Variants in AUTS2 observed in about 807,000 individuals in gnomAD.
The protein encoded by AUTS2 is autism susceptibility gene 2 protein.
In AUTS2, 17 loss-of-function variants were observed where a neutral mutation model predicts 112.4. The ratio of observed to expected loss-of-function variants is 0.15; its 90% CI spans 0.10 to 0.23. AUTS2 has a LOEUF of 0.23. Ranked by LOEUF, AUTS2 falls within the 10% of genes least tolerant of loss-of-function variation. The pLI is 1.00. For missense variants in AUTS2, 1,510 were observed against 1,701.6 expected, an observed-to-expected ratio of 0.89 and a Z score of 1.98; for synonymous variants, 751 against 702.7, an observed-to-expected ratio of 1.07 and a Z score of -1.09.
chr7:70,309,639 C>G (rs185571497), intron 4 of AUTS2, among the ~76,000 whole-genome samples: 2 of 152,134 alleles, frequency 1.3e-5, no homozygotes, highest in African/African-American at 4.8e-5. Flanking sequence ...AATCATTATT[C>G]TATTGTATAG....
At chr7:69,984,406 CA>C (rs34689325) in intron 2 of AUTS2, among the ~76,000 whole-genome samples, 248 of 80,594 alleles carry the variant, frequency 3.1e-3, no homozygotes, top group East Asian at 0.014. Context: ...GACTCTGTCT[CA>C]AAAAAAAAAA....
At chr7:69,935,180 A>AAG (rs10629473) in intron 2 of AUTS2, among the ~76,000 whole-genome samples, 56,470 of 151,832 alleles carry the variant, frequency 0.37, 10,949 homozygotes, top group African/African-American at 0.48. Context: ...TCTGGGAAAA[A>AAG]AGGACGGAGG....
intron 1 of AUTS2, among the ~76,000 whole-genome samples, chr7:69,775,185 C>T (rs1788838516): frequency 2.0e-5 from 3 of 151,980 alleles, no homozygotes; most frequent in South Asian, 4.2e-4. Context: ...TCACTTAACC[C>T]CACCCTTCAC....
chr7:70,534,706 G>A (rs570890719), intron 5 of AUTS2, among the ~76,000 whole-genome samples: 7 of 152,262 alleles, frequency 4.6e-5, no homozygotes, highest in Non-Finnish European at 7.4e-5. Flanking sequence ...GATTACAGGC[G>A]TGAGCCACTG....
chr7:69,794,954 A>G (rs1789775714), intron 1 of AUTS2, among the ~76,000 whole-genome samples: 1 of 152,198 alleles, frequency 6.6e-6, no homozygotes, highest in African/African-American at 2.4e-5. Flanking sequence ...GGAATGTAGT[A>G]CCATATAGTA....
chr7:70,440,117 A>T (rs898558637), intron 5 of AUTS2, among the ~76,000 whole-genome samples: 29 of 150,210 alleles, frequency 1.9e-4, no homozygotes, highest in African/African-American at 6.8e-4. Context: ...ATGGTGGCTT[A>T]TGGCGGTAAT....
At chr7:70,352,754 G>C (rs531575640) in intron 4 of AUTS2, among the ~76,000 whole-genome samples, 76 of 152,264 alleles carry the variant, frequency 5.0e-4, no homozygotes, top group Middle Eastern at 3.4e-3. Context: ...TAAATGAAAT[G>C]CTTCGTTTAA....
intron 4 of AUTS2, among the ~76,000 whole-genome samples, chr7:70,168,032 A>C (rs1468913407): frequency 6.6e-6 from 1 of 152,218 alleles, no homozygotes; most frequent in Non-Finnish European, 1.5e-5. Context: ...TGTTTGGGGA[A>C]TGTGATTTCT....
At chr7:70,448,884 T>C (rs930815076) in intron 5 of AUTS2, among the ~76,000 whole-genome samples, 4 of 152,214 alleles carry the variant, frequency 2.6e-5, no homozygotes, top group African/African-American at 9.6e-5. Context: ...GACAAAATAA[T>C]GGACCTCCAC....
chr7:69,927,526 G>A (rs1299950910), intron 2 of AUTS2, among the ~76,000 whole-genome samples: 2 of 152,112 alleles, frequency 1.3e-5, no homozygotes, highest in Admixed American at 6.5e-5. Context: ...TGTGGCCAGC[G>A]TTGCCTCTGC....
At position 70,462,236 on chromosome 7, in the gene AUTS2, A is replaced by G. The variant is rs573597813; in HGVS notation, c.690+26455A>G. ...CACTGCACTCCAGCCTGGGTGATAG[A>G]GCAAGACTCCGTGTCGAAAAAACAA... On this transcript the variant is annotated intron_variant, in intron 5 of 18. Transcript: ENST00000342771. Among the ~76,000 whole-genome samples the G allele has an allele frequency of 2.0e-5, 3 of 152,298 alleles. No individual in the cohort carries two copies. The South Asian group carries it at 6.2e-4, about 32-fold the overall frequency.
chr7:70,396,378 A>ATT (rs112778320), intron 4 of AUTS2, among the ~76,000 whole-genome samples: 4 of 143,744 alleles, frequency 2.8e-5, no homozygotes, highest in African/African-American at 1.0e-4. Flanking sequence ...TTATTTTGAG[A>ATT]TTTTTTTTTT....
rs187754089 is a variant in AUTS2 at position 69,632,522 on chromosome 7, C to G, written c.309+32560C>G. ...TCTCCTTCCCCATCCCTCTCCACCC[C>G]CTCTCCTCCCTTCTCTCTTCCATCC... On this transcript the variant is annotated intron_variant, in intron 1 of 18. Coordinates refer to ENST00000342771, the MANE Select transcript of AUTS2 (RefSeq NM_015570.4). 6.6e-4 allele frequency among the ~76,000 whole-genome samples: 99 copies of G among 150,638 alleles called. No homozygotes were observed. In the East Asian group the frequency reaches 0.014, roughly 21 times the overall value.
At chr7:69,715,699 T>C (rs962181960) in intron 1 of AUTS2, among the ~76,000 whole-genome samples, 1 of 152,202 alleles carries the variant, frequency 6.6e-6, no homozygotes, top group African/African-American at 2.4e-5. Flanking sequence ...AACTCAGAGA[T>C]GATAATGTGA....
Position 69,639,005 on chromosome 7 carries a change from C to T in AUTS2, c.309+39043C>T, listed in dbSNP as rs562626582. Reference sequence around the variant, plus strand: ...AGTAAAAGTTGGTTTAGGGTAAACCCGGAGAAAGGAATTAAAGAGAAGTTT... The same window carrying T: ...AGTAAAAGTTGGTTTAGGGTAAACCTGGAGAAAGGAATTAAAGAGAAGTTT... On this transcript the variant is annotated intron_variant, in intron 1 of 18. Coordinates refer to ENST00000342771, the MANE Select transcript of AUTS2 (RefSeq NM_015570.4). Among the ~76,000 whole-genome samples the T allele has an allele frequency of 4.6e-5, 7 of 152,248 alleles. No homozygotes were observed. In the South Asian group the frequency reaches 8.3e-4, roughly 18 times the overall value.
chr7:70,391,089 G>GC (rs1490074144), intron 4 of AUTS2, among the ~76,000 whole-genome samples: 1 of 152,176 alleles, frequency 6.6e-6, no homozygotes, highest in Non-Finnish European at 1.5e-5. Context: ...ACACGTACAG[G>GC]CCACCATCCA....
chr7:70,198,499 A>G (rs1295514452), intron 4 of AUTS2, among the ~76,000 whole-genome samples: 2 of 144,734 alleles, frequency 1.4e-5, no homozygotes, highest in African/African-American at 2.6e-5. Context: ...TGCTTAAAGG[A>G]GCTGATGGAG....
At chr7:70,302,027 C>T (rs1232794134) in intron 4 of AUTS2, among the ~76,000 whole-genome samples, 1 of 152,096 alleles carries the variant, frequency 6.6e-6, no homozygotes, top group African/African-American at 2.4e-5. Context: ...GTCTGCCCAC[C>T]GCACCCAGCT....
chr7:69,702,604 G>T (rs1010264493), intron 1 of AUTS2, among the ~76,000 whole-genome samples: 1 of 152,162 alleles, frequency 6.6e-6, no homozygotes, highest in African/African-American at 2.4e-5. Flanking sequence ...CACTTGTGGG[G>T]TGATTTCTAC....
Sources: gnomAD v4.1 joint callset for allele counts (sites outside exome capture counted in the v4.1 genomes callset) on GRCh38, gnomAD v4.1.1 for gene constraint, MANE v1.5 for transcripts, NCBI Gene and HGNC (gene_info 2026-07-23, HGNC 2026-07-21) for gene names.